The following PRAC2 variants were observed in gnomAD, a reference collection of about 807,000 sequenced individuals.
The protein encoded by PRAC2 is protein PRAC2.
For synonymous variants in PRAC2, 43 were observed against 49.5 expected (o/e 0.87, Z 0.55); for missense variants, 92 against 114.5 (o/e 0.80, Z 0.90).
upstream of PRAC2, among the ~76,000 whole-genome samples, chr17:48,719,198 C>T (rs2038121500): frequency 7.0e-6 from 1 of 142,692 alleles, no homozygotes; most frequent in South Asian, 2.2e-4. Flanking sequence ...CACACTCGCA[C>T]GCGCTCGCAC....
At chr17:48,722,973 G>C (rs1254781853), upstream of PRAC2, among the ~76,000 whole-genome samples, 1 of 152,192 alleles carries the variant, frequency 6.6e-6, no homozygotes, top group African/African-American at 2.4e-5. Context: ...GAGGAGAGAA[G>C]GTAATGGTGG....
upstream of PRAC2, chr17:48,721,848 C>G (rs2038148073): frequency 1.9e-6 from 3 of 1,543,830 alleles, no homozygotes; most frequent in Middle Eastern, 1.7e-4. Context: ...GAATTACAGG[C>G]TGAGCCATCA....
intron 1 of PRAC2, 84 bp downstream of exon 1, chr17:48,723,397 T>G: frequency 3.4e-6 from 1 of 295,524 alleles, no homozygotes; most frequent in Non-Finnish European, 6.2e-6. Flanking sequence ...GGGCACAGGG[T>G]CTCCCCTGAA....
chr17:48,719,227 A>ACACACACACACACG (rs2038122497), upstream of PRAC2, among the ~76,000 whole-genome samples: 2 of 151,750 alleles, frequency 1.3e-5, no homozygotes, highest in African/African-American at 4.9e-5. Flanking sequence ...ACACACACAC[A>ACACACACACACACG]CACACACACA....
At chr17:48,723,756 A>G (rs928339652) in intron 1 of PRAC2, 10 of 1,231,758 alleles carry the variant, frequency 8.1e-6, no homozygotes, top group Non-Finnish European at 1.0e-5. Flanking sequence ...CCGAGATTCA[A>G]AAAGAGCTTC....
At chr17:48,724,042 T>C (rs1035385360) in intron 1 of PRAC2, among the ~76,000 whole-genome samples, 1 of 152,252 alleles carries the variant, frequency 6.6e-6, no homozygotes, top group African/African-American at 2.4e-5. Flanking sequence ...TGCCTCTGCG[T>C]TTATTCGTCT....
chr17:48,722,196 C>T (rs1342151941), upstream of PRAC2: 37 of 853,770 alleles, frequency 4.3e-5, no homozygotes, highest in Admixed American at 8.1e-4. Flanking sequence ...TCACCCTTCC[C>T]TTGTTTCCCA....
rs938761079 is a variant in PRAC2 at position 48,723,312 on chromosome 17, C to A, written c.-85C>A. ...GCCTCCGGGCTTTATTGCAAGTTTA[C>A]GGTAACGAGTTCATCTATTTAATTC... On this transcript the variant is annotated splice_region_variant and 5_prime_UTR_variant, in exon 1 of 2. Transcript: ENST00000422730. 10 of 180,408 alleles carry A rather than the reference C, an allele frequency of 5.5e-5. No individual in the cohort carries two copies. The highest frequency in any genetic ancestry group is 2.1e-4 in the African/African-American group (9 of 42,738). 11.2% of individuals were successfully genotyped at this position (180,408 alleles called of 1,614,324 possible). A position where few individuals can be genotyped will look rare whatever the true frequency, so the allele number is the denominator to read the frequency against.
chr17:48,721,321 AATT>A (rs933133014), upstream of PRAC2, among the ~76,000 whole-genome samples: 118 of 151,790 alleles, frequency 7.8e-4, 1 homozygote, highest in Middle Eastern at 3.4e-3. Flanking sequence ...AAAAAGGTGC[AATT>A]ATTATTATTA....
At chr17:48,720,360 C>A (rs1353284998), upstream of PRAC2, among the ~76,000 whole-genome samples, 1 of 152,226 alleles carries the variant, frequency 6.6e-6, no homozygotes, top group South Asian at 2.1e-4. Context: ...CCGCGACCTG[C>A]ATTTTCTGGC....
chr17:48,721,964 T>A, upstream of PRAC2: 4 of 1,434,104 alleles, frequency 2.8e-6, no homozygotes, highest in Non-Finnish European at 3.7e-6. Flanking sequence ...TAATTTTGCT[T>A]ATGCCAGGAC....
At chr17:48,724,167 T>G (rs566194531) in intron 1 of PRAC2, among the ~76,000 whole-genome samples, 161 bp from the exon 2 acceptor site, 1 of 152,312 alleles carries the variant, frequency 6.6e-6, no homozygotes, top group East Asian at 1.9e-4. Flanking sequence ...AAAATAAATA[T>G]CTGCAGGCGA....
chr17:48,723,872 C>T, intron 1 of PRAC2: 2 of 853,958 alleles, frequency 2.3e-6, no homozygotes, highest in Non-Finnish European at 3.1e-6. Flanking sequence ...GCCTGGAGCC[C>T]GCGTAGACGC....
chr17:48,721,396 G>C (rs1232610946), upstream of PRAC2, among the ~76,000 whole-genome samples: 1 of 152,180 alleles, frequency 6.6e-6, no homozygotes, highest in East Asian at 1.9e-4. Flanking sequence ...CATAATCTCA[G>C]CTCACTGCAA....
chr17:48,721,795 CTG>C, upstream of PRAC2: 1 of 1,536,562 alleles, frequency 6.5e-7, no homozygotes, highest in East Asian at 2.5e-5. Context: ...TCTGGAACTC[CTG>C]TGCTCAAGGA....
upstream of PRAC2, chr17:48,722,523 G>GAGCAC: frequency 1.3e-6 from 1 of 765,098 alleles, no homozygotes; most frequent in Non-Finnish European, 2.3e-6. Context: ...GGAAGGACGG[G>GAGCAC]AGCACAGCAC....
upstream of PRAC2, among the ~76,000 whole-genome samples, chr17:48,722,140 C>A (rs1285192553): frequency 1.3e-5 from 2 of 152,030 alleles, no homozygotes; most frequent in Non-Finnish European, 2.9e-5. Context: ...CTCCAGGAAC[C>A]GCGAGTAGGT....
upstream of PRAC2, chr17:48,721,816 G>T: frequency 6.5e-7 from 1 of 1,542,072 alleles, no homozygotes. Flanking sequence ...GAATCTTCCT[G>T]CCTCGGCCTC....
upstream of PRAC2, chr17:48,722,413 TGG>T (rs1567699312): frequency 6.2e-7 from 1 of 1,612,118 alleles, no homozygotes; most frequent in Admixed American, 1.7e-5. Context: ...TCTGCAAAGG[TGG>T]GGACCAGAAT....
Sources: allele counts gnomAD v4.1 joint callset (sites outside exome capture counted in the v4.1 genomes callset), GRCh38; gene constraint gnomAD v4.1.1; transcripts MANE v1.5; gene names NCBI Gene and HGNC (gene_info 2026-07-23, HGNC 2026-07-21).